CDH8: variants seen among roughly 807,000 people sequenced by gnomAD.
The protein encoded by CDH8 is cadherin 8, also known as cadherin-8.
CDH8 carries 17 observed loss-of-function variants against 68.1 expected under a neutral mutation model. The observed-to-expected ratio is 0.25, with a 90% CI of 0.17 to 0.37. The LOEUF is 0.37. Ranked by LOEUF, CDH8 falls within the 10% of genes least tolerant of loss-of-function variation. CDH8 has a pLI of 1.00. For synonymous variants in CDH8, 372 were observed against 365.1 expected, an observed-to-expected ratio of 1.02 and a Z score of -0.21; for missense variants, 763 against 999.3, an observed-to-expected ratio of 0.76 and a Z score of 3.19.
intron 2 of CDH8, among the ~76,000 whole-genome samples, chr16:61,936,223 T>C (rs1964624887): frequency 6.6e-6 from 1 of 152,134 alleles, no homozygotes; most frequent in Admixed American, 6.5e-5. Context: ...TATTTACAGC[T>C]CTTACTTTCC....
intron 8 of CDH8, among the ~76,000 whole-genome samples, chr16:61,748,777 C>T (rs145978313): frequency 6.6e-6 from 1 of 152,046 alleles, no homozygotes; most frequent in East Asian, 1.9e-4. Flanking sequence ...GACAACTTGA[C>T]CCGAGCATTC....
chr16:61,842,991 T>A (rs936633727), intron 4 of CDH8, among the ~76,000 whole-genome samples: 1 of 152,086 alleles, frequency 6.6e-6, no homozygotes, highest in African/African-American at 2.4e-5. Context: ...ATACGTGGTG[T>A]AGCAAATGTT....
At chr16:61,707,939 A>G (rs1964563650) in intron 10 of CDH8, among the ~76,000 whole-genome samples, 1 of 152,170 alleles carries the variant, frequency 6.6e-6, no homozygotes, top group Admixed American at 6.5e-5. Context: ...AATGAAACAA[A>G]CAACAAAGTG....
At chr16:61,666,206 G>GTGTGTGTA (rs372906173) in intron 10 of CDH8, among the ~76,000 whole-genome samples, 34 of 145,608 alleles carry the variant, frequency 2.3e-4, no homozygotes, top group African/African-American at 7.9e-4. Flanking sequence ...GTGTGTGTGT[G>GTGTGTGTA]TATATATATA....
chr16:61,782,845 G>T (rs1961117221), intron 8 of CDH8, among the ~76,000 whole-genome samples: 1 of 152,102 alleles, frequency 6.6e-6, no homozygotes, highest in South Asian at 2.1e-4. Context: ...ACCTCACATG[G>T]CAGGGTATTC....
At chr16:61,751,676 T>A (rs1960169740) in intron 8 of CDH8, among the ~76,000 whole-genome samples, 1 of 152,090 alleles carries the variant, frequency 6.6e-6, no homozygotes, top group South Asian at 2.1e-4. Context: ...AAAATTAACA[T>A]GTTTTTCAAC....
chr16:61,947,937 T>C (rs1373966024), intron 2 of CDH8, among the ~76,000 whole-genome samples: 1 of 152,136 alleles, frequency 6.6e-6, no homozygotes, highest in Non-Finnish European at 1.5e-5. Context: ...GCAAACTCTG[T>C]GGTCAAGAGC....
At chr16:61,676,315 A>G (rs138565351) in intron 10 of CDH8, among the ~76,000 whole-genome samples, 1 of 152,004 alleles carries the variant, frequency 6.6e-6, no homozygotes, top group Admixed American at 6.6e-5. Context: ...TGAAGTGGCT[A>G]TATTAATATC....
chr16:61,811,370 A>G (rs1404152840), intron 7 of CDH8, among the ~76,000 whole-genome samples: 1 of 152,142 alleles, frequency 6.6e-6, no homozygotes, highest in East Asian at 1.9e-4. Context: ...TCAAATTTTT[A>G]TTTGGCCATG....
At chr16:61,825,267 AAG>A in intron 4 of CDH8, 88 bp from the exon 5 acceptor site, 1 of 950,896 alleles carries the variant, frequency 1.1e-6, no homozygotes, top group South Asian at 1.7e-5. Flanking sequence ...ACATACACAC[AAG>A]CATACACCAA....
chr16:61,851,693 ATTTTCAGCC>A (rs1165921844), intron 4 of CDH8, among the ~76,000 whole-genome samples: 3 of 152,024 alleles, frequency 2.0e-5, no homozygotes, highest in Non-Finnish European at 4.4e-5. Flanking sequence ...CAAGTAAACT[ATTTTCAGCC>A]TTTTGAAGTA....
At chr16:61,990,049 G>A (rs1324099382) in intron 2 of CDH8, among the ~76,000 whole-genome samples, 2 of 152,066 alleles carry the variant, frequency 1.3e-5, no homozygotes, top group Non-Finnish European at 2.9e-5. Context: ...TAGAAGCAAT[G>A]TACACAATCT....
chr16:61,740,802 T>C (rs1247773950), intron 8 of CDH8, among the ~76,000 whole-genome samples: 1 of 152,140 alleles, frequency 6.6e-6, no homozygotes, highest in Non-Finnish European at 1.5e-5. Flanking sequence ...TGGTGGGCAT[T>C]TGGGTTCTTT....
At position 61,652,632 on chromosome 16, in the gene CDH8, A is replaced by G. The variant is rs1963346487; in HGVS notation, c.*976T>C. 9.3e-7 allele frequency: 1 copy of G among 1,072,942 alleles called. No individual in the cohort carries two copies. The highest frequency in any genetic ancestry group is 1.2e-6 in the Non-Finnish European group (1 of 852,792). 66.5% of individuals were successfully genotyped at this position (1,072,942 alleles called of 1,614,324 possible). A position where few individuals can be genotyped will look rare whatever the true frequency, so the allele number is the denominator to read the frequency against. ...TGTACATGTATTAAACATTCATTGT[A>G]TATATATTTATATAAAACAATCTAA... is the stretch of plus-strand genomic sequence containing the variant. On this transcript the variant is annotated 3_prime_UTR_variant, in exon 12 of 12. Transcript: ENST00000577390.
At chr16:61,842,001 C>T (rs1962693543) in intron 4 of CDH8, among the ~76,000 whole-genome samples, 1 of 151,936 alleles carries the variant, frequency 6.6e-6, no homozygotes, top group South Asian at 2.1e-4. Context: ...CATTCTCCTG[C>T]CTCAGCCTCC....
At chr16:61,768,429 C>CTCTCTCT (rs1555508728) in intron 8 of CDH8, among the ~76,000 whole-genome samples, 56 of 69,236 alleles carry the variant, frequency 8.1e-4, no homozygotes, top group East Asian at 5.7e-3. Context: ...TCTCTCTCTC[C>CTCTCTCT]CTCTCCCTCT....
chr16:61,933,340 C>A (rs1214187440), intron 2 of CDH8, among the ~76,000 whole-genome samples: 1 of 152,054 alleles, frequency 6.6e-6, no homozygotes, highest in Non-Finnish European at 1.5e-5. Context: ...TTGTGGGCAT[C>A]GTATATTATG....
rs536608369 is a variant in CDH8 at position 61,768,821 on chromosome 16, A to C, written c.1414+20525T>G. On this transcript the variant is annotated intron_variant, in intron 8 of 11. Coordinates refer to ENST00000577390, the MANE Select transcript of CDH8 (RefSeq NM_001796.5). ...ATATTCAAGATATATTAACAGTAACAATCCTTATTGTTACTATATCTCAAA... is the reference window on the plus strand; with the variant it reads ...ATATTCAAGATATATTAACAGTAACCATCCTTATTGTTACTATATCTCAAA... Among the ~76,000 whole-genome samples the C allele has an allele frequency of 1.1e-4, 16 of 151,948 alleles. No individual in the cohort carries two copies. The South Asian group carries it at 2.7e-3, about 26-fold the overall frequency.
At chr16:61,663,801 A>G (rs1963615591) in intron 10 of CDH8, among the ~76,000 whole-genome samples, 2 of 151,238 alleles carry the variant, frequency 1.3e-5, no homozygotes, top group African/African-American at 4.8e-5. Context: ...AAAATTGAGT[A>G]AACACATTAT....
Sources: allele counts gnomAD v4.1 joint callset (sites outside exome capture counted in the v4.1 genomes callset), GRCh38; gene constraint gnomAD v4.1.1; transcripts MANE v1.5; gene names NCBI Gene and HGNC (gene_info 2026-07-23, HGNC 2026-07-21).